The following AANAT variants were observed in gnomAD, a reference collection of about 807,000 sequenced individuals.
AANAT encodes serotonin N-acetyltransferase.
AANAT carries 11 observed loss-of-function variants against 15.6 expected under a neutral mutation model. The observed-to-expected ratio is 0.71, with a 90% confidence interval of 0.44 to 1.17. AANAT has a LOEUF of 1.17. Among genes scored for constraint, AANAT ranks in the 50% most tolerant of loss-of-function variants. The pLI is 0.00. For synonymous variants in AANAT, 139 were observed against 131.5 expected, an observed-to-expected ratio of 1.06 and a Z score of -0.39; for missense variants, 286 against 296.3, an observed-to-expected ratio of 0.97 and a Z score of 0.26.
chr17:76,457,623 T>G (rs2073353133), intron 1 of AANAT, among the ~76,000 whole-genome samples: 1 of 152,200 alleles, frequency 6.6e-6, no homozygotes, highest in South Asian at 2.1e-4. Context: ...GACTCCTTGA[T>G]TTTACATGCT....
chr17:76,469,960 GC>G lies in AANAT; in HGVS notation c.615del (p.Ser205ArgfsTer41), dbSNP rs1446933244. 6.7e-7 allele frequency: 1 copy of G among 1,493,492 alleles called. No individual in the cohort carries two copies. The highest frequency in any genetic ancestry group is 2.3e-5 in the Admixed American group (1 of 43,718). 92.5% of individuals were successfully genotyped at this position (1,493,492 alleles called of 1,614,324 possible). A position where few individuals can be genotyped will look rare whatever the true frequency, so the allele number is the denominator to read the frequency against. The part of the protein sequence containing the change: ...LRGHPFLRRN[S>X]GC ...GGCCACCCCTTCCTGCGCAGGAACA[GC>G]GGCTGCTGAACTGGGCTGCCCACCT... On this transcript the variant is annotated frameshift_variant, in exon 4 of 4. Coordinates refer to ENST00000392492, the MANE Select transcript of AANAT (RefSeq NM_001088.3). LOFTEE classifies it high-confidence loss of function. This position sits in a 1 kb window ranked among gnomAD's most constrained non-coding sequence, Gnocchi z 5.2.
At chr17:76,463,396 C>T (rs1198303308), upstream of AANAT, among the ~76,000 whole-genome samples, 2 of 146,832 alleles carry the variant, frequency 1.4e-5, no homozygotes, top group Non-Finnish European at 3.0e-5. Context: ...CAACCTCTGC[C>T]TCCTGGGTTC....
At chr17:76,460,552 T>C (rs1411916176) in intron 2 of AANAT, among the ~76,000 whole-genome samples, 1 of 152,126 alleles carries the variant, frequency 6.6e-6, no homozygotes, top group Non-Finnish European at 1.5e-5. Context: ...CCTCCTGCCT[T>C]GGCCTCCCAA....
chr17:76,455,589 T>C (rs1207592834), intron 1 of AANAT, among the ~76,000 whole-genome samples: 1 of 152,074 alleles, frequency 6.6e-6, no homozygotes, highest in Non-Finnish European at 1.5e-5. Flanking sequence ...CATCATTTTT[T>C]CCACATTTTT....
chr17:76,457,250 C>T (rs1190332684), intron 1 of AANAT, among the ~76,000 whole-genome samples: 1 of 152,096 alleles, frequency 6.6e-6, no homozygotes, highest in African/African-American at 2.4e-5. Context: ...CCATGTTGGC[C>T]AGGCTGGTCT....
upstream of AANAT, chr17:76,466,230 A>C (rs1174083461): frequency 3.9e-6 from 6 of 1,533,870 alleles, no homozygotes; most frequent in Non-Finnish European, 4.4e-6. Flanking sequence ...CTGGAGGTTG[A>C]AGGTGGGGAT....
In AANAT at chr17:76,469,031, C is replaced by A; in HGVS notation, c.163+122C>A. The A allele has an allele frequency of 6.7e-7, 1 of 1,488,976 alleles. No individual in the cohort carries two copies. The highest frequency in any genetic ancestry group is 9.2e-7 in the Non-Finnish European group (1 of 1,092,402). 92.2% of individuals were successfully genotyped at this position (1,488,976 alleles called of 1,614,324 possible). On this transcript the variant is annotated intron_variant, in intron 2 of 3. Coordinates refer to ENST00000392492, the MANE Select transcript of AANAT (RefSeq NM_001088.3). The surrounding 1 kb of genome is among the most constrained non-coding windows in gnomAD (Gnocchi z 5.2). The stretch of plus-strand genomic sequence containing the variant: ...CCCAGAGTATCAGACCATGTGTGCG[C>A]TCAAGAAAGTGGGGGAAACAGCAGC...
At chr17:76,457,297 C>A (rs901774810) in intron 1 of AANAT, among the ~76,000 whole-genome samples, 27 of 152,168 alleles carry the variant, frequency 1.8e-4, no homozygotes, top group African/African-American at 6.0e-4. Flanking sequence ...CCGCCTTGCC[C>A]TCCCAAAGTG....
chr17:76,460,130 A>ATTTTTTTTTTTTTTTTTT (rs556197358), intron 2 of AANAT, among the ~76,000 whole-genome samples: 5 of 88,012 alleles, frequency 5.7e-5, no homozygotes, highest in Non-Finnish European at 9.8e-5. Flanking sequence ...ACTTCAGGAA[A>ATTTTTTTTTTTTTTTTTT]TTTTTTTTTT....
intron 2 of AANAT, among the ~76,000 whole-genome samples, chr17:76,459,915 G>C (rs1047139511): frequency 6.6e-6 from 1 of 152,174 alleles, no homozygotes; most frequent in Non-Finnish European, 1.5e-5. Context: ...GCCCCAGGCC[G>C]TCTAATCTGT....
intron 1 of AANAT, among the ~76,000 whole-genome samples, chr17:76,454,789 C>T (rs898412395): frequency 6.6e-6 from 1 of 151,928 alleles, no homozygotes; most frequent in Admixed American, 6.6e-5. Flanking sequence ...TGCCACTACA[C>T]TCCAGCCTTG....
upstream of AANAT, chr17:76,466,274 C>T: frequency 6.7e-7 from 1 of 1,486,540 alleles, no homozygotes; most frequent in Non-Finnish European, 9.0e-7. Context: ...ACCACCCCAC[C>T]AACCAAGCCC....
chr17:76,462,700 A>C (rs952005228), upstream of AANAT, among the ~76,000 whole-genome samples: 3 of 152,166 alleles, frequency 2.0e-5, no homozygotes, highest in East Asian at 5.8e-4. Flanking sequence ...TCAGGCTGGA[A>C]AGGTAAAGAC....
At chr17:76,460,809 G>T (rs1432867022) in intron 2 of AANAT, among the ~76,000 whole-genome samples, 1 of 152,092 alleles carries the variant, frequency 6.6e-6, no homozygotes, top group Non-Finnish European at 1.5e-5. Flanking sequence ...CTAATACGGC[G>T]ATATTGAGCC....
chr17:76,462,152 G>A (rs563895094), intron 2 of AANAT, among the ~76,000 whole-genome samples: 6 of 152,230 alleles, frequency 3.9e-5, no homozygotes, highest in South Asian at 2.1e-4. Context: ...GTGCTGGGTC[G>A]GCTAAGGGAG....
In AANAT at chr17:76,469,040, G is replaced by T; in HGVS notation, c.163+131G>T. ...TCAGACCATGTGTGCGCTCAAGAAA[G>T]TGGGGGAAACAGCAGCCCTAACCCC... is the stretch of plus-strand genomic sequence containing the variant. On this transcript the variant is annotated intron_variant, in intron 2 of 3. Coordinates refer to ENST00000392492, the MANE Select transcript of AANAT (RefSeq NM_001088.3). This position sits in a 1 kb window ranked among gnomAD's most constrained non-coding sequence, Gnocchi z 5.2. 1 of 1,492,848 alleles carries T rather than the reference G, an allele frequency of 6.7e-7. No homozygotes were observed. The highest frequency in any genetic ancestry group is 9.1e-7 in the Non-Finnish European group (1 of 1,094,540). The allele number at this position is 1,492,848 out of a possible 1,614,324, so 92.5% of individuals were successfully genotyped here.
At chr17:76,454,846 G>T (rs1302334506) in intron 1 of AANAT, among the ~76,000 whole-genome samples, 1 of 152,062 alleles carries the variant, frequency 6.6e-6, no homozygotes, top group Non-Finnish European at 1.5e-5. Flanking sequence ...CAAAAAAAAG[G>T]CTGGATGTGG....
chr17:76,464,156 T>C (rs2073415524), upstream of AANAT, among the ~76,000 whole-genome samples: 1 of 152,016 alleles, frequency 6.6e-6, no homozygotes, highest in South Asian at 2.1e-4. Flanking sequence ...GCCTGACCAA[T>C]ATGGCGAAAG....
At chr17:76,463,553 C>T (rs2073409366), upstream of AANAT, among the ~76,000 whole-genome samples, 1 of 152,074 alleles carries the variant, frequency 6.6e-6, no homozygotes. Context: ...AGCTATCCAC[C>T]CACCTCAGCC....
Sources: gnomAD v4.1 joint callset for allele counts (sites outside exome capture counted in the v4.1 genomes callset) on GRCh38, gnomAD v4.1.1 for gene constraint, Gnocchi (gnomAD v3.1) non-coding constraint, MANE v1.5 for transcripts, NCBI Gene and HGNC (gene_info 2026-07-23, HGNC 2026-07-21) for gene names.